The following CAMK2D variants were observed in gnomAD, a reference collection of about 807,000 sequenced individuals.
CAMK2D encodes calcium/calmodulin dependent protein kinase II delta.
CAMK2D carries 37 observed loss-of-function variants against 84.0 expected under a neutral mutation model. The ratio of observed to expected loss-of-function variants is 0.44; its 90% CI spans 0.34 to 0.58. The LOEUF (loss-of-function observed/expected upper bound fraction) is 0.58. Ranked by LOEUF, CAMK2D falls within the 20% of genes least tolerant of loss-of-function variation. The pLI is 0.02. For missense variants in CAMK2D, 448 were observed against 652.5 expected (o/e 0.69, Z 3.41); for synonymous variants, 202 against 212.5 (o/e 0.95, Z 0.43).
At chr4:113,538,795 A>C (rs772796963) in intron 6 of CAMK2D, among the ~76,000 whole-genome samples, 23 of 152,154 alleles carry the variant, frequency 1.5e-4, no homozygotes, top group Non-Finnish European at 2.4e-4. Flanking sequence ...AATTAGGTTA[A>C]ATCTACAAGA....
chr4:113,679,858 A>G (rs2154334043), intron 2 of CAMK2D, among the ~76,000 whole-genome samples: 1 of 152,314 alleles, frequency 6.6e-6, no homozygotes, highest in African/African-American at 2.4e-5. Flanking sequence ...GAAAGGAAGA[A>G]AGGCCTCTCA....
At chr4:113,508,122 A>C in intron 13 of CAMK2D, 2 of 726,744 alleles carry the variant, frequency 2.8e-6, no homozygotes, top group East Asian at 5.4e-5. Context: ...ACTAACACTG[A>C]CCTGTAATGG....
chr4:113,694,422 C>A (rs2099396948), intron 2 of CAMK2D, among the ~76,000 whole-genome samples: 1 of 152,138 alleles, frequency 6.6e-6, no homozygotes, highest in Non-Finnish European at 1.5e-5. Flanking sequence ...GTGCACATCA[C>A]TAAAAAATGC....
At chr4:113,493,585 T>A (rs1332037402) in intron 16 of CAMK2D, among the ~76,000 whole-genome samples, 1 of 152,058 alleles carries the variant, frequency 6.6e-6, no homozygotes, top group Admixed American at 6.5e-5. Context: ...ATTTTTTCCT[T>A]CATTTCAACT....
intron 4 of CAMK2D, among the ~76,000 whole-genome samples, chr4:113,594,257 A>G (rs2098912484): frequency 6.6e-6 from 1 of 152,158 alleles, no homozygotes; most frequent in Admixed American, 6.5e-5. Flanking sequence ...CCATGATCGA[A>G]TCACCTCCCA....
chr4:113,567,909 A>G (rs1341608491), intron 4 of CAMK2D, among the ~76,000 whole-genome samples: 1 of 152,226 alleles, frequency 6.6e-6, no homozygotes, highest in Non-Finnish European at 1.5e-5. Context: ...CTCCTTGGTT[A>G]ATATACTGCA....
intron 2 of CAMK2D, among the ~76,000 whole-genome samples, chr4:113,736,363 C>T (rs1272055258): frequency 6.6e-6 from 1 of 152,014 alleles, no homozygotes; most frequent in Non-Finnish European, 1.5e-5. Flanking sequence ...ACTAGTTAAC[C>T]CCAGAAATCA....
chr4:113,463,215 TA>T (rs1198964356), intron 17 of CAMK2D, among the ~76,000 whole-genome samples: 1 of 152,146 alleles, frequency 6.6e-6, no homozygotes, highest in Non-Finnish European at 1.5e-5. Flanking sequence ...TGTTTATTTA[TA>T]ACTAATGATA....
chr4:113,696,481 C>T (rs764329189), intron 2 of CAMK2D, among the ~76,000 whole-genome samples: 2 of 152,032 alleles, frequency 1.3e-5, no homozygotes, highest in Non-Finnish European at 2.9e-5. Flanking sequence ...AAAGTCTCTA[C>T]ATAAAAAATC....
Position 113,545,309 on chromosome 4 carries a change from T to C in CAMK2D, c.414+2335A>G, listed in dbSNP as rs537927560. 3.3e-5 allele frequency among the ~76,000 whole-genome samples: 5 copies of C among 152,312 alleles called. No individual in the cohort carries two copies. The East Asian group carries it at 5.8e-4, about 18-fold the overall frequency. On this transcript the variant is annotated intron_variant, in intron 6 of 20. Transcript: ENST00000511664. ...TCCTTATAGGTGCTGTTGATCATGA[T>C]AAACATGACATTTCCTGTGTTTCTT... is the stretch of plus-strand genomic sequence containing the variant.
At chr4:113,723,333 T>G (rs2099536814) in intron 2 of CAMK2D, among the ~76,000 whole-genome samples, 1 of 151,668 alleles carries the variant, frequency 6.6e-6, no homozygotes, top group Admixed American at 6.6e-5. Context: ...CAAGCGATGC[T>G]CATGCCTTAG....
intron 16 of CAMK2D, among the ~76,000 whole-genome samples, chr4:113,490,123 C>T (rs1364865900): frequency 2.7e-5 from 4 of 148,108 alleles, no homozygotes; most frequent in Admixed American, 1.3e-4. Context: ...GTTTCTTTTG[C>T]TGTGCAGAAG....
At chr4:113,627,106 TTGAC>T (rs1415493238) in intron 3 of CAMK2D, among the ~76,000 whole-genome samples, 1 of 152,138 alleles carries the variant, frequency 6.6e-6, no homozygotes, top group Non-Finnish European at 1.5e-5. Flanking sequence ...CCTTTAATCA[TTGAC>T]TGTCCTATGA....
chr4:113,460,282 C>T (rs762098380), intron 17 of CAMK2D, 41 bp from the exon 18 acceptor site: 6 of 1,054,622 alleles, frequency 5.7e-6, no homozygotes, highest in Middle Eastern at 4.2e-4. Flanking sequence ...TTAATAGGTG[C>T]TTTAATGTGT....
chr4:113,649,457 T>C (rs1179251719), intron 3 of CAMK2D, among the ~76,000 whole-genome samples: 1 of 152,174 alleles, frequency 6.6e-6, no homozygotes, highest in Non-Finnish European at 1.5e-5. Flanking sequence ...GACAAAGACT[T>C]TTAACTCTAT....
intron 16 of CAMK2D, among the ~76,000 whole-genome samples, chr4:113,499,694 C>T (rs918320400): frequency 3.3e-5 from 5 of 151,998 alleles, no homozygotes; most frequent in South Asian, 2.1e-4. Flanking sequence ...CTACTGTTAC[C>T]GCTGTTTGTC....
At chr4:113,522,090 G>A (rs1003629763) in intron 8 of CAMK2D, among the ~76,000 whole-genome samples, 2 of 152,150 alleles carry the variant, frequency 1.3e-5, no homozygotes, top group Non-Finnish European at 2.9e-5. Flanking sequence ...TAGGTAGAAA[G>A]ACTATATCAT....
intron 2 of CAMK2D, chr4:113,754,429 T>A (rs1285813161): frequency 1.1e-6 from 1 of 948,866 alleles, no homozygotes; most frequent in Admixed American, 6.2e-5. Flanking sequence ...TAATTCGTGA[T>A]TATTACCATT....
chr4:113,536,300 G>C (rs1232840635), intron 7 of CAMK2D, among the ~76,000 whole-genome samples: 1 of 152,148 alleles, frequency 6.6e-6, no homozygotes, highest in Admixed American at 6.5e-5. Context: ...AGGAACTGAG[G>C]TCCTGCATTA....
Sources: gnomAD v4.1 joint callset for allele counts (sites outside exome capture counted in the v4.1 genomes callset) on GRCh38, gnomAD v4.1.1 for gene constraint, MANE v1.5 for transcripts, NCBI Gene and HGNC (gene_info 2026-07-23, HGNC 2026-07-21) for gene names.